NUDCD3: variants seen among roughly 807,000 people sequenced by gnomAD.
The protein encoded by NUDCD3 is NudC domain containing 3, also known as nudC domain-containing protein 3.
A neutral mutation model predicts 39.7 loss-of-function variants in NUDCD3; 13 were observed. That is an observed-to-expected ratio of 0.33 (90% CI 0.21 to 0.52). NUDCD3 has a LOEUF of 0.52. Ranked by LOEUF, NUDCD3 falls within the 20% of genes least tolerant of loss-of-function variation. The pLI is 0.96. For synonymous variants in NUDCD3, 175 were observed against 172.4 expected (o/e 1.02, Z -0.12); for missense variants, 453 against 458.1 (o/e 0.99, Z 0.10).
chr7:44,452,899 TG>T (rs1207422757), intron 2 of NUDCD3, among the ~76,000 whole-genome samples: 1 of 152,234 alleles, frequency 6.6e-6, no homozygotes, highest in Non-Finnish European at 1.5e-5. Flanking sequence ...CTTTGCACAT[TG>T]ACTTCCTCCA....
intron 3 of NUDCD3, among the ~76,000 whole-genome samples, chr7:44,426,653 G>A (rs1462385208): frequency 7.2e-5 from 11 of 151,992 alleles, no homozygotes; most frequent in Admixed American, 3.9e-4. Flanking sequence ...AAAATTAGCC[G>A]GGCGTAGTGG....
intron 2 of NUDCD3, among the ~76,000 whole-genome samples, chr7:44,449,911 T>A (rs1464121885): frequency 6.8e-6 from 1 of 148,066 alleles, no homozygotes; most frequent in East Asian, 1.9e-4. Context: ...CTTCTGCTAC[T>A]CAAAATGCAA....
intron 2 of NUDCD3, among the ~76,000 whole-genome samples, chr7:44,446,065 C>A (rs1262415076): frequency 6.6e-6 from 1 of 152,214 alleles, no homozygotes; most frequent in East Asian, 1.9e-4. Flanking sequence ...GCACACTTAC[C>A]TATGGGTCTA....
intron 2 of NUDCD3, among the ~76,000 whole-genome samples, chr7:44,436,446 A>C (rs2116915594): frequency 6.6e-6 from 1 of 152,282 alleles, no homozygotes; most frequent in East Asian, 1.9e-4. Flanking sequence ...TACAACTAGG[A>C]GCAGAACTTC....
intron 2 of NUDCD3, among the ~76,000 whole-genome samples, chr7:44,447,139 A>C (rs142155062): frequency 2.2e-4 from 34 of 152,384 alleles, no homozygotes; most frequent in African/African-American, 7.2e-4. Context: ...TAGGAGAAGA[A>C]GACCTGATAC....
intron 2 of NUDCD3, among the ~76,000 whole-genome samples, chr7:44,430,955 G>A (rs1002308617): frequency 6.6e-6 from 1 of 152,182 alleles, no homozygotes; most frequent in Non-Finnish European, 1.5e-5. Context: ...CGTGTCCTCA[G>A]TAGCCCTGGC....
At chr7:44,489,325 T>C (rs1172525138) in intron 1 of NUDCD3, among the ~76,000 whole-genome samples, 2 of 152,222 alleles carry the variant, frequency 1.3e-5, no homozygotes, top group African/African-American at 4.8e-5. Context: ...TAGCCTTAAG[T>C]TCTGAAATTG....
intron 2 of NUDCD3, among the ~76,000 whole-genome samples, chr7:44,428,746 A>C (rs1448338921): frequency 6.6e-6 from 1 of 152,244 alleles, no homozygotes; most frequent in Non-Finnish European, 1.5e-5. Flanking sequence ...AATGCTAATA[A>C]TATAAACATT....
At chr7:44,448,042 C>T (rs1421357601) in intron 2 of NUDCD3, among the ~76,000 whole-genome samples, 1 of 152,216 alleles carries the variant, frequency 6.6e-6, no homozygotes, top group East Asian at 1.9e-4. Flanking sequence ...GTCAGGCCGC[C>T]GCCTGCACCC....
chr7:44,394,589 G>A (rs887451231), intron 4 of NUDCD3, among the ~76,000 whole-genome samples: 4 of 152,222 alleles, frequency 2.6e-5, no homozygotes, highest in Non-Finnish European at 2.9e-5. Context: ...TGTGATCCAT[G>A]TAACTTATTT....
chr7:44,402,128 G>T (rs1445561212), intron 4 of NUDCD3, among the ~76,000 whole-genome samples: 1 of 152,220 alleles, frequency 6.6e-6, no homozygotes, highest in Admixed American at 6.5e-5. Flanking sequence ...AGCCTTCTGG[G>T]ACAAGGCAGG....
intron 2 of NUDCD3, among the ~76,000 whole-genome samples, chr7:44,468,566 G>C (rs1246188973): frequency 6.6e-6 from 1 of 152,096 alleles, no homozygotes; most frequent in East Asian, 1.9e-4. Flanking sequence ...AACAGTTTCA[G>C]AGATTAAAGG....
chr7:44,422,962 C>G (rs1004444351), intron 3 of NUDCD3, among the ~76,000 whole-genome samples: 1 of 152,326 alleles, frequency 6.6e-6, no homozygotes, highest in Non-Finnish European at 1.5e-5. Flanking sequence ...TCGGCTTCAT[C>G]CCTGGGATGT....
At chr7:44,424,004 T>A (rs185913759) in intron 3 of NUDCD3, among the ~76,000 whole-genome samples, 18 of 152,184 alleles carry the variant, frequency 1.2e-4, no homozygotes, top group African/African-American at 4.3e-4. Flanking sequence ...TCTACAACCA[T>A]CTGATCTTCA....
intron 2 of NUDCD3, among the ~76,000 whole-genome samples, chr7:44,458,739 C>T (rs1799948537): frequency 1.3e-5 from 2 of 152,080 alleles, no homozygotes; most frequent in South Asian, 2.1e-4. Context: ...CTGAATTGTA[C>T]ATGTTAAAGT....
intron 3 of NUDCD3, among the ~76,000 whole-genome samples, chr7:44,405,440 C>T (rs1798801773): frequency 6.6e-6 from 1 of 152,170 alleles, no homozygotes; most frequent in Admixed American, 6.5e-5. Flanking sequence ...ATGCATACCC[C>T]AGGAGGTTCA....
In NUDCD3 at chr7:44,392,852, AC is replaced by A. The variant is rs565416795; in HGVS notation, c.787-368del. Among the ~76,000 whole-genome samples the A allele has an allele frequency of 6.0e-4, 90 of 149,036 alleles. 1 individual carries two copies. The South Asian group carries it at 0.018, about 29-fold the overall frequency. Reference sequence around the variant, plus strand: ...AAGGCTATTTTCCAAGACCCATGACACCCCCCCACACCAGGACCTGTCCTGG... The same window carrying A: ...AAGGCTATTTTCCAAGACCCATGACACCCCCCACACCAGGACCTGTCCTGG... On this transcript the variant is annotated intron_variant, in intron 4 of 5. Transcript: ENST00000355451.
In NUDCD3 at chr7:44,485,186, C is replaced by T. The variant is rs765158767; in HGVS notation, c.291G>A (p.Lys97=). ...KIRRKEEEEA[K]TVSAAAAEKE... is the part of the protein sequence containing the mutation. ...TCTCAGCTGCAGCAGCTGACACAGT[C>T]TTGGCCTCTTCCTCTTCCTTTCTTC... Residue 97 remains lysine (K), a synonymous_variant, in exon 2 of 6, where the codon AAG becomes AAA. Coordinates refer to ENST00000355451, the MANE Select transcript of NUDCD3 (RefSeq NM_015332.4). 2.5e-6 allele frequency: 4 copies of T among 1,614,178 alleles called. No individual in the cohort carries two copies. In the South Asian group the frequency reaches 4.4e-5, roughly 18 times the overall value.
chr7:44,466,790 C>G (rs968297952), intron 2 of NUDCD3, among the ~76,000 whole-genome samples: 2 of 152,222 alleles, frequency 1.3e-5, no homozygotes, highest in African/African-American at 4.8e-5. Context: ...TCTGGGTGAG[C>G]CTGCAAAGCA....
Sources: allele counts gnomAD v4.1 joint callset (sites outside exome capture counted in the v4.1 genomes callset), GRCh38; gene constraint gnomAD v4.1.1; transcripts MANE v1.5; gene names NCBI Gene and HGNC (gene_info 2026-07-23, HGNC 2026-07-21).